Variants in ANK3 observed in about 807,000 individuals in gnomAD.
The protein encoded by ANK3 is ankyrin 3, also known as ankyrin-3.
ANK3 carries 57 observed loss-of-function variants against 370.9 expected under a neutral mutation model. The ratio of observed to expected loss-of-function variants is 0.15; its 90% confidence interval spans 0.12 to 0.19. The LOEUF (loss-of-function observed/expected upper bound fraction) is 0.19, where lower values mean the gene tolerates loss of function less well. Among genes scored for constraint, ANK3 ranks in the 10% least tolerant of loss-of-function variants. The pLI is 1.00. For missense variants in ANK3, 4,439 were observed against 5,302.1 expected (o/e 0.84, Z 5.06); for synonymous variants, 1,929 against 1,946.3 (o/e 0.99, Z 0.23).
chr10:60,697,555 G>C (rs1327621436), intron 1 of ANK3, among the ~76,000 whole-genome samples: 4 of 146,656 alleles, frequency 2.7e-5, no homozygotes, highest in Admixed American at 6.9e-5. Context: ...CCAAAACAGA[G>C]ATATAGATCA....
At position 60,141,048 on chromosome 10, in the gene ANK3, C is replaced by T. The variant is rs72820432; in HGVS notation, c.2615-1961G>A. Reference sequence around the variant, plus strand: ...ACTGGGAGCCTCAGTTATTTATGGTCCCTGTCAGGTGGAAGGAGGGGAAAA... The same window carrying T: ...ACTGGGAGCCTCAGTTATTTATGGTTCCTGTCAGGTGGAAGGAGGGGAAAA... On this transcript the variant is annotated intron_variant, in intron 23 of 43. Transcript: ENST00000280772. 5,324 of 984,592 alleles carry T rather than the reference C, an allele frequency of 5.4e-3. 12 individuals carry two copies. The highest frequency in any genetic ancestry group is 6.1e-3 in the Non-Finnish European group (5,059 of 829,340). The allele number at this position is 984,592 out of a possible 1,614,324, so 61.0% of individuals were successfully genotyped here.
rs1287891195 is a variant in ANK3, at chr10:60,259,712, A to C, written c.798+2147T>G. Among the ~76,000 whole-genome samples, 3 of 152,248 alleles carry C rather than the reference A, an allele frequency of 2.0e-5. 1 individual carries two copies. The highest frequency in any genetic ancestry group is 4.4e-5 in the Non-Finnish European group (3 of 68,044). On this transcript the variant is annotated intron_variant, in intron 7 of 43. Transcript: ENST00000280772. Reference sequence around the variant, plus strand: ...TTTAGCAACATCAGAAAATTTCTGAACAAAGGCACAAAGACAAACTTCAAA... The same window carrying C: ...TTTAGCAACATCAGAAAATTTCTGACCAAAGGCACAAAGACAAACTTCAAA...
chr10:60,406,122 A>G (rs1176052831), intron 2 of ANK3, among the ~76,000 whole-genome samples: 4 of 152,184 alleles, frequency 2.6e-5, no homozygotes, highest in Non-Finnish European at 5.9e-5. Flanking sequence ...CTGTCATCAA[A>G]CTTTCTGTAA....
intron 27 of ANK3, among the ~76,000 whole-genome samples, chr10:60,106,911 G>A (rs558972177): frequency 3.3e-4 from 51 of 152,254 alleles, no homozygotes; most frequent in African/African-American, 1.2e-3. Flanking sequence ...TTTATTTTAT[G>A]ACATTTAAGT....
chr10:60,180,370 T>A (rs78168755), intron 18 of ANK3, among the ~76,000 whole-genome samples: 2,051 of 136,372 alleles, frequency 0.015, no homozygotes, highest in Non-Finnish European at 0.016. Context: ...GGCCGAGGCA[T>A]GTGGATCACA....
chr10:60,706,105 G>A lies in ANK3; in HGVS notation c.57+27158C>T, dbSNP rs113300140. ...TCCCAACGTGTTGGCATGAGCCACC[G>A]CACTGGTGTGCACCACTGCACCCAG... On this transcript the variant is annotated intron_variant, in intron 1 of 43. Coordinates refer to the ANK3 transcript ENST00000373827. 9.3e-4 allele frequency among the ~76,000 whole-genome samples: 141 copies of A among 152,258 alleles called. 1 individual carries two copies. The highest frequency in any genetic ancestry group is 6.8e-3 in the Middle Eastern group (2 of 294).
chr10:60,715,104 A>T (rs1479264317), intron 1 of ANK3, among the ~76,000 whole-genome samples: 1 of 151,782 alleles, frequency 6.6e-6, no homozygotes, highest in Non-Finnish European at 1.5e-5. Flanking sequence ...ATATGGGAAC[A>T]CTCTACATTT....
At chr10:60,427,927 A>G (rs2063926478) in intron 2 of ANK3, among the ~76,000 whole-genome samples, 1 of 152,104 alleles carries the variant, frequency 6.6e-6, no homozygotes, top group South Asian at 2.1e-4. Context: ...CAGTTAAACA[A>G]TGCACAGTTA....
intron 7 of ANK3, among the ~76,000 whole-genome samples, chr10:60,260,092 A>T (rs1311436602): frequency 6.6e-6 from 1 of 152,230 alleles, no homozygotes; most frequent in Non-Finnish European, 1.5e-5. Flanking sequence ...CTCAGCCCTT[A>T]TTAATTTTTA....
chr10:60,453,737 CACAG>C (rs910113039), intron 2 of ANK3, among the ~76,000 whole-genome samples: 24 of 152,216 alleles, frequency 1.6e-4, no homozygotes, highest in Non-Finnish European at 2.2e-4. Context: ...GGCACACACA[CACAG>C]ACAGACACAC....
chr10:60,699,736 A>G (rs2079521027), intron 1 of ANK3, among the ~76,000 whole-genome samples: 1 of 152,138 alleles, frequency 6.6e-6, no homozygotes, highest in South Asian at 2.1e-4. Flanking sequence ...TTGGCTCTCA[A>G]AGATCTTAGT....
Position 60,155,996 on chromosome 10 carries a change from T to C in ANK3, c.2614+10595A>G, listed in dbSNP as rs547074456. On this transcript the variant is annotated intron_variant, in intron 23 of 43. Coordinates refer to ENST00000280772, the MANE Select transcript of ANK3 (RefSeq NM_020987.5). ...TCAGCTTGCAGATGGCCTGTGAGAC[T>C]TTACCTTGTGATTGTGTGAATCAAT... is the stretch of plus-strand genomic sequence containing the variant. Among the ~76,000 whole-genome samples the C allele has an allele frequency of 7.9e-5, 12 of 152,342 alleles. No homozygotes were observed. In the South Asian group the frequency reaches 2.5e-3, roughly 32 times the overall value.
At chr10:60,223,873 A>G (rs1000687862) in intron 8 of ANK3, among the ~76,000 whole-genome samples, 2 of 151,852 alleles carry the variant, frequency 1.3e-5, no homozygotes, top group East Asian at 3.9e-4. Context: ...TAAAAGAGCT[A>G]TGGTTGATAC....
chr10:60,321,613 G>A (rs748603918), intron 1 of ANK3, among the ~76,000 whole-genome samples: 3 of 152,140 alleles, frequency 2.0e-5, no homozygotes, highest in Non-Finnish European at 2.9e-5. Flanking sequence ...CAGTGTCCTC[G>A]TTAGATAGAC....
In ANK3 at chr10:60,702,340, A is replaced by C. The variant is rs76708836; in HGVS notation, c.57+30923T>G. Among the ~76,000 whole-genome samples, 212 of 152,316 alleles carry C rather than the reference A, an allele frequency of 1.4e-3. 1 individual carries two copies. In the East Asian group the frequency reaches 0.015, roughly 11 times the overall value. Reference sequence around the variant, plus strand: ...GGACTATGCCAAATGACCTTACAACAAATAATTTGTACTCTATATCCTAAG... The same window carrying C: ...GGACTATGCCAAATGACCTTACAACCAATAATTTGTACTCTATATCCTAAG... On this transcript the variant is annotated intron_variant, in intron 1 of 43. Coordinates refer to the ANK3 transcript ENST00000373827.
chr10:60,492,001 G>A (rs2075520159), intron 2 of ANK3, among the ~76,000 whole-genome samples: 1 of 152,038 alleles, frequency 6.6e-6, no homozygotes, highest in African/African-American at 2.4e-5. Context: ...ATACAACTGT[G>A]GTCCCATAAG....
At chr10:60,562,349 TAGTATA>T (rs2077355061) in intron 2 of ANK3, among the ~76,000 whole-genome samples, 1 of 152,104 alleles carries the variant, frequency 6.6e-6, no homozygotes, top group African/African-American at 2.4e-5. Flanking sequence ...CTGTTAAAGC[TAGTATA>T]TTAATGGCAT....
chr10:60,032,500 G>A (rs528567028), intron 43 of ANK3, among the ~76,000 whole-genome samples: 1 of 152,066 alleles, frequency 6.6e-6, no homozygotes, highest in East Asian at 1.9e-4. Context: ...GAGCCACTGC[G>A]CCTGGCCTGG....
At chr10:60,257,744 G>A (rs559309340) in intron 7 of ANK3, among the ~76,000 whole-genome samples, 2 of 151,936 alleles carry the variant, frequency 1.3e-5, no homozygotes, top group African/African-American at 2.4e-5. Context: ...CGCCCTTCAC[G>A]TCTGTATATT....
Sources: allele counts gnomAD v4.1 joint callset (sites outside exome capture counted in the v4.1 genomes callset), GRCh38; gene constraint gnomAD v4.1.1; transcripts MANE v1.5; gene names NCBI Gene and HGNC (gene_info 2026-07-23, HGNC 2026-07-21).